Variants in AP2A2 observed in about 807,000 individuals in gnomAD.
AP2A2 encodes AP-2 complex subunit alpha-2.
Under a neutral mutation model 104.2 loss-of-function variants are expected in AP2A2, and 32 were observed. The ratio of observed to expected loss-of-function variants is 0.31; its 90% CI spans 0.23 to 0.41. AP2A2 has a LOEUF of 0.41. Among genes scored for constraint, AP2A2 ranks in the 10% least tolerant of loss-of-function variants. The pLI is 1.00. For synonymous variants in AP2A2, 539 were observed against 533.3 expected (o/e 1.01, Z -0.15); for missense variants, 912 against 1,261.0 (o/e 0.72, Z 4.19).
At chr11:999,832 C>A (rs1176030828) in intron 14 of AP2A2, among the ~76,000 whole-genome samples, 1 of 129,000 alleles carries the variant, frequency 7.8e-6, no homozygotes, top group East Asian at 2.2e-4. Flanking sequence ...GAGATGGAGT[C>A]TCGCTCTGTC....
intron 6 of AP2A2, among the ~76,000 whole-genome samples, chr11:981,937 C>T (rs757558771): frequency 6.6e-6 from 1 of 152,282 alleles, no homozygotes; most frequent in South Asian, 2.1e-4. Flanking sequence ...ACCAGCTTCC[C>T]CTGCCGTGCA....
At chr11:939,191 C>T (rs1853562991) in intron 1 of AP2A2, among the ~76,000 whole-genome samples, 1 of 141,700 alleles carries the variant, frequency 7.1e-6, no homozygotes, top group Non-Finnish European at 1.5e-5. Context: ...GTGGAGGTTG[C>T]AGTGAGCCGA....
chr11:967,559 A>T (rs1371039505), intron 2 of AP2A2, among the ~76,000 whole-genome samples: 2 of 151,594 alleles, frequency 1.3e-5, no homozygotes, highest in Non-Finnish European at 2.9e-5. Flanking sequence ...ACAGGATTTC[A>T]CCGTGTTAGT....
At chr11:988,404 C>A (rs778985845) in intron 9 of AP2A2, 148 bp from the exon 10 acceptor site, 2 of 1,022,444 alleles carry the variant, frequency 2.0e-6, no homozygotes, top group African/African-American at 3.2e-5. Flanking sequence ...ACACGTGGCC[C>A]GAGTGCAGGT....
intron 2 of AP2A2, among the ~76,000 whole-genome samples, chr11:969,682 G>A (rs938857397): frequency 9.8e-5 from 15 of 152,338 alleles, no homozygotes; most frequent in African/African-American, 2.9e-4. Flanking sequence ...CGTCGCGTGT[G>A]GGCCTTGTTT....
intron 10 of AP2A2, 89 bp downstream of exon 10, chr11:988,778 C>T: frequency 2.0e-6 from 3 of 1,512,378 alleles, no homozygotes; most frequent in Non-Finnish European, 1.8e-6. Context: ...TTCCGTCCAG[C>T]AGGACTTGAT....
chr11:959,280 G>T (rs561152764), intron 1 of AP2A2, among the ~76,000 whole-genome samples, 157 bp from the exon 2 acceptor site: 24 of 152,350 alleles, frequency 1.6e-4, no homozygotes, highest in African/African-American at 5.5e-4. Flanking sequence ...CCTTCCTGCC[G>T]GCTCTGGGTT....
intron 2 of AP2A2, among the ~76,000 whole-genome samples, chr11:962,086 G>A (rs553277974): frequency 6.5e-4 from 99 of 152,366 alleles, no homozygotes; most frequent in Non-Finnish European, 1.1e-3. Flanking sequence ...CCGGCTGGAG[G>A]TGGTGGCACT....
intron 1 of AP2A2, among the ~76,000 whole-genome samples, chr11:945,396 T>C (rs1256123440): frequency 6.6e-6 from 1 of 152,122 alleles, no homozygotes; most frequent in African/African-American, 2.4e-5. Context: ...TGCAGTGGTA[T>C]GATCTCAGCT....
intron 14 of AP2A2, among the ~76,000 whole-genome samples, chr11:998,717 T>C (rs1590014566): frequency 6.6e-6 from 1 of 152,010 alleles, no homozygotes; most frequent in East Asian, 1.9e-4. Flanking sequence ...CCCTGGTGTA[T>C]AGTGTCAAAG....
chr11:932,309 A>T lies in AP2A2; in HGVS notation c.67+6221A>T, dbSNP rs1853316070. Among the ~76,000 whole-genome samples, 2 of 152,260 alleles carry T rather than the reference A, an allele frequency of 1.3e-5. 1 individual carries two copies. Among genetic ancestry groups the T allele is most frequent in the South Asian group, 4.1e-4 (2 of 4,838 alleles). On this transcript the variant is annotated intron_variant, in intron 1 of 21. Coordinates refer to ENST00000448903, the MANE Select transcript of AP2A2 (RefSeq NM_012305.4). ...CTTTGAATTGTGTTTCAGTGGGACT[A>T]AAGTTAAATTTTATTTGTTCATGCA...
intron 14 of AP2A2, among the ~76,000 whole-genome samples, chr11:997,449 C>G (rs1855891673): frequency 6.6e-6 from 1 of 152,182 alleles, no homozygotes; most frequent in South Asian, 2.1e-4. Context: ...GGAGGGTCTC[C>G]CAGGCCTGAG....
chr11:948,014 G>A (rs796729577), intron 1 of AP2A2, among the ~76,000 whole-genome samples: 10 of 152,200 alleles, frequency 6.6e-5, no homozygotes, highest in African/African-American at 2.4e-4. Context: ...ATTATACACT[G>A]CAGTGAGAGC....
chr11:951,388 G>A (rs1158954091), intron 1 of AP2A2, among the ~76,000 whole-genome samples: 1 of 152,066 alleles, frequency 6.6e-6, no homozygotes, highest in Admixed American at 6.6e-5. Flanking sequence ...TTAGCTGGGC[G>A]TAGTGGCAGG....
intron 1 of AP2A2, among the ~76,000 whole-genome samples, chr11:955,020 T>G (rs1362911278): frequency 6.6e-6 from 1 of 152,256 alleles, no homozygotes; most frequent in Non-Finnish European, 1.5e-5. Flanking sequence ...GCTTTAGATC[T>G]GAGCTCTGTT....
At chr11:1,000,227 A>T (rs1285950830) in intron 14 of AP2A2, among the ~76,000 whole-genome samples, 3 of 152,186 alleles carry the variant, frequency 2.0e-5, no homozygotes, top group African/African-American at 7.2e-5. Context: ...AGTTATCTTT[A>T]GGCTGGAGTC....
chr11:1,003,304 C>T (rs2133776920), intron 15 of AP2A2, among the ~76,000 whole-genome samples: 1 of 152,344 alleles, frequency 6.6e-6, no homozygotes, highest in East Asian at 1.9e-4. Context: ...CATGCGTGTG[C>T]ATCAGCGGGG....
rs1855468815 is a variant in AP2A2 at position 986,677 on chromosome 11, G to A, written c.963-108G>A. ...GAGCAGTGTGGTGGCGGTGAGTGCC[G>A]TGTGACTTTGCTGTCTGCCATCTGG... On this transcript the variant is annotated intron_variant, in intron 8 of 21. Coordinates refer to ENST00000448903, the MANE Select transcript of AP2A2 (RefSeq NM_012305.4). The A allele has an allele frequency of 4.4e-6, 6 of 1,350,920 alleles. No homozygotes were observed. In the South Asian group the frequency reaches 5.5e-5, roughly 12 times the overall value. 83.7% of individuals were successfully genotyped at this position (1,350,920 alleles called of 1,614,324 possible). A position where few individuals can be genotyped will look rare whatever the true frequency, so the allele number is the denominator to read the frequency against.
intron 1 of AP2A2, among the ~76,000 whole-genome samples, chr11:930,953 A>G (rs1223775941): frequency 1.3e-5 from 2 of 152,194 alleles, no homozygotes; most frequent in African/African-American, 2.4e-5. Flanking sequence ...GTGTGGTTCT[A>G]TGCAGTTTAG....
Sources: gnomAD v4.1 joint callset for allele counts (sites outside exome capture counted in the v4.1 genomes callset) on GRCh38, gnomAD v4.1.1 for gene constraint, MANE v1.5 for transcripts, NCBI Gene and HGNC (gene_info 2026-07-23, HGNC 2026-07-21) for gene names.